Variants in CORO2A observed in about 807,000 individuals in gnomAD.
CORO2A encodes coronin-2A.
Under a neutral mutation model 62.4 loss-of-function variants are expected in CORO2A, and 47 were observed. The ratio of observed to expected loss-of-function variants is 0.75; its 90% CI spans 0.60 to 0.96. The LOEUF (loss-of-function observed/expected upper bound fraction) is 0.96. CORO2A is among the 40% of genes least tolerant of loss of function. The pLI, the probability that CORO2A is intolerant of heterozygous loss-of-function variation, is 0.00. For synonymous variants in CORO2A, 273 were observed against 268.9 expected (o/e 1.02, Z -0.15); for missense variants, 610 against 684.1 (o/e 0.89, Z 1.21).
chr9:98,190,582 G>A (rs1312738885), intron 1 of CORO2A, among the ~76,000 whole-genome samples: 2 of 152,120 alleles, frequency 1.3e-5, no homozygotes, highest in Non-Finnish European at 2.9e-5. Context: ...GTAAAATGAG[G>A]GGGTTGAATG....
chr9:98,133,083 G>A lies in CORO2A; in HGVS notation c.603C>T (p.Asp201=). The A allele has an allele frequency of 6.2e-7, 1 of 1,614,256 alleles. No individual in the cohort carries two copies. Among genetic ancestry groups the A allele is most frequent in the Non-Finnish European group, 8.5e-7 (1 of 1,180,050 alleles). Residue 201 remains aspartate (D), a synonymous_variant, in exon 5 of 12, where the codon GAC becomes GAT. Coordinates refer to ENST00000375077, the MANE Select transcript of CORO2A (RefSeq NM_052820.4). ...NGSLLATTCK[D]RKIRVIDPRA... is the part of the protein sequence containing the mutation. ...GGGGGTCAATAACCCGAATCTTGCG[G>A]TCTTTGCAGGTGGTGGCCAACAGGC...
intron 3 of CORO2A, among the ~76,000 whole-genome samples, chr9:98,136,271 G>C (rs1016219315): frequency 6.6e-6 from 1 of 152,218 alleles, no homozygotes; most frequent in Non-Finnish European, 1.5e-5. Context: ...TGGGGACAGG[G>C]CCAATTCTCA....
chr9:98,144,416 T>A (rs891986675), intron 2 of CORO2A, among the ~76,000 whole-genome samples: 1 of 152,184 alleles, frequency 6.6e-6, no homozygotes, highest in African/African-American at 2.4e-5. Flanking sequence ...TTTCCTCTTA[T>A]GGCCTGGTCT....
At chr9:98,153,380 C>A (rs953720910) in intron 2 of CORO2A, among the ~76,000 whole-genome samples, 1 of 146,958 alleles carries the variant, frequency 6.8e-6, no homozygotes, top group South Asian at 2.1e-4. Context: ...GGATTACAGG[C>A]GTAAGCCAGC....
chr9:98,146,710 C>G (rs540075878), intron 2 of CORO2A, among the ~76,000 whole-genome samples: 1 of 152,182 alleles, frequency 6.6e-6, no homozygotes, highest in East Asian at 1.9e-4. Flanking sequence ...GAGCAAGGCC[C>G]GAGGCCACAC....
At chr9:98,175,572 GCAT>G (rs1828096983) in intron 1 of CORO2A, among the ~76,000 whole-genome samples, 1 of 152,208 alleles carries the variant, frequency 6.6e-6, no homozygotes, top group Non-Finnish European at 1.5e-5. Flanking sequence ...CATTAAATGG[GCAT>G]GGGCATCCCT....
At chr9:98,181,719 C>T (rs1828180075) in intron 1 of CORO2A, among the ~76,000 whole-genome samples, 1 of 152,110 alleles carries the variant, frequency 6.6e-6, no homozygotes. Flanking sequence ...CCCTCCCCAC[C>T]CTTGCCTGCT....
At position 98,156,334 on chromosome 9, in the gene CORO2A, C is replaced by G. The variant is rs895805796; in HGVS notation, c.201+1126G>C. 7.9e-5 allele frequency among the ~76,000 whole-genome samples: 12 copies of G among 152,182 alleles called. No individual in the cohort carries two copies. In the East Asian group the frequency reaches 2.3e-3, roughly 29 times the overall value. On this transcript the variant is annotated intron_variant, in intron 2 of 11. Transcript: ENST00000375077. ...GGATTACAGGTGTGAGCCACTGTACCCGGCTCTAACTTCTTAGATGGAATG... is the reference window on the plus strand; with the variant it reads ...GGATTACAGGTGTGAGCCACTGTACGCGGCTCTAACTTCTTAGATGGAATG...
intron 10 of CORO2A, among the ~76,000 whole-genome samples, chr9:98,127,576 C>A (rs1421580782): frequency 6.6e-6 from 1 of 152,090 alleles, no homozygotes; most frequent in African/African-American, 2.4e-5. Flanking sequence ...CTTCGGGAGG[C>A]CGAGGCAGGT....
At chr9:98,186,487 C>CA (rs1259277833) in intron 1 of CORO2A, among the ~76,000 whole-genome samples, 3 of 151,952 alleles carry the variant, frequency 2.0e-5, no homozygotes, top group Non-Finnish European at 1.5e-5. Context: ...AATGATAGTA[C>CA]AAAAAAGACT....
intron 2 of CORO2A, among the ~76,000 whole-genome samples, chr9:98,153,654 A>T (rs1460812798): frequency 1.2e-5 from 1 of 85,128 alleles, no homozygotes; most frequent in Non-Finnish European, 2.6e-5. Context: ...TTCCAAACAC[A>T]CACACACACA....
At chr9:98,159,234 AT>A (rs1477697766) in intron 1 of CORO2A, among the ~76,000 whole-genome samples, 13 of 151,910 alleles carry the variant, frequency 8.6e-5, no homozygotes, top group African/African-American at 2.4e-4. Flanking sequence ...AATTAAAAAA[AT>A]TTTTTTTCTT....
At chr9:98,180,242 A>G (rs1385557718) in intron 1 of CORO2A, among the ~76,000 whole-genome samples, 1 of 152,104 alleles carries the variant, frequency 6.6e-6, no homozygotes, top group Non-Finnish European at 1.5e-5. Flanking sequence ...ATATAGGCCT[A>G]GTAAGTTTTC....
At chr9:98,145,862 GCCAC>G (rs147443437) in intron 2 of CORO2A, among the ~76,000 whole-genome samples, 3,634 of 152,264 alleles carry the variant, frequency 0.024, 135 homozygotes, top group African/African-American at 0.082. Context: ...ACAGGCATGT[GCCAC>G]CACGCCCAGC....
chr9:98,163,741 TGAGAGAGAGA>T (rs565063006), intron 1 of CORO2A, among the ~76,000 whole-genome samples: 51 of 139,634 alleles, frequency 3.7e-4, no homozygotes, highest in Admixed American at 1.6e-3. Context: ...TGTGTGTGTG[TGAGAGAGAGA>T]GAGAGAGAGA....
chr9:98,177,462 T>TG (rs1340967696), intron 1 of CORO2A, among the ~76,000 whole-genome samples: 2 of 133,372 alleles, frequency 1.5e-5, no homozygotes, highest in East Asian at 4.6e-4. Flanking sequence ...ACTTTGTTTT[T>TG]TTTTTTTTTT....
intron 10 of CORO2A, among the ~76,000 whole-genome samples, chr9:98,127,135 C>A (rs1307377475): frequency 6.6e-6 from 1 of 152,220 alleles, no homozygotes; most frequent in African/African-American, 2.4e-5. Context: ...ACAGTCCCAC[C>A]CACACTGCAC....
At chr9:98,153,100 C>T (rs1198813062) in intron 2 of CORO2A, among the ~76,000 whole-genome samples, 1 of 152,098 alleles carries the variant, frequency 6.6e-6, no homozygotes, top group Non-Finnish European at 1.5e-5. Context: ...ATAACTTTTT[C>T]TCTTTTTTTG....
chr9:98,144,765 G>A (rs1827619211), intron 2 of CORO2A, among the ~76,000 whole-genome samples: 1 of 152,102 alleles, frequency 6.6e-6, no homozygotes, highest in South Asian at 2.1e-4. Flanking sequence ...TAAGTGGGAG[G>A]AGGCTGAAGC....
Sources: gnomAD v4.1 joint callset for allele counts (sites outside exome capture counted in the v4.1 genomes callset) on GRCh38, gnomAD v4.1.1 for gene constraint, MANE v1.5 for transcripts, NCBI Gene and HGNC (gene_info 2026-07-23, HGNC 2026-07-21) for gene names.